KSR2: variants seen among roughly 807,000 people sequenced by gnomAD.
KSR2 encodes kinase suppressor of ras 2.
A neutral mutation model predicts 107.8 loss-of-function variants in KSR2; 25 were observed. That is an observed-to-expected ratio of 0.23 (90% CI 0.17 to 0.32). The LOEUF is 0.32. Ranked by LOEUF, KSR2 falls within the 10% of genes least tolerant of loss-of-function variation. The pLI, the probability that KSR2 is intolerant of heterozygous loss-of-function variation, is 1.00. For synonymous variants in KSR2, 480 were observed against 507.0 expected, an observed-to-expected ratio of 0.95 and a Z score of 0.71; for missense variants, 887 against 1,268.9, an observed-to-expected ratio of 0.70 and a Z score of 4.57.
intron 1 of KSR2, among the ~76,000 whole-genome samples, chr12:117,948,433 T>C (rs543149430): frequency 2.6e-4 from 39 of 150,062 alleles, no homozygotes; most frequent in Non-Finnish European, 4.9e-4. Context: ...GAGGTTGCAG[T>C]GAGCCCAGAT....
intron 11 of KSR2, 35 bp from the exon 12 acceptor site, chr12:117,531,048 T>C: frequency 6.3e-7 from 1 of 1,575,654 alleles, no homozygotes; most frequent in Non-Finnish European, 8.7e-7. Flanking sequence ...AGAAAAAAAA[T>C]GTGAAGTCCA....
At chr12:117,695,333 A>C (rs746952557) in intron 4 of KSR2, among the ~76,000 whole-genome samples, 3 of 152,146 alleles carry the variant, frequency 2.0e-5, no homozygotes, top group Non-Finnish European at 4.4e-5. Flanking sequence ...ATGTGAACGT[A>C]CTTAATATCA....
At chr12:117,617,487 C>A (rs961922612) in intron 5 of KSR2, among the ~76,000 whole-genome samples, 2 of 152,098 alleles carry the variant, frequency 1.3e-5, no homozygotes, top group African/African-American at 4.8e-5. Context: ...AATTAAAGTT[C>A]ATGTCTTATA....
chr12:117,706,543 T>C (rs912776130), intron 4 of KSR2, among the ~76,000 whole-genome samples: 1 of 152,008 alleles, frequency 6.6e-6, no homozygotes, highest in Admixed American at 6.6e-5. Context: ...AGTAGCTCAG[T>C]CACAAATGTA....
intron 5 of KSR2, among the ~76,000 whole-genome samples, chr12:117,661,131 G>T (rs60124198): frequency 0.039 from 6,004 of 152,278 alleles, 328 homozygotes; most frequent in African/African-American, 0.13. Context: ...TGAATTGAGA[G>T]ATGTTCTATA....
rs115611120 is a variant in KSR2 at position 117,938,947 on chromosome 12, A to T, written c.180+29129T>A. 7.4e-3 allele frequency among the ~76,000 whole-genome samples: 1,130 copies of T among 152,150 alleles called. 18 individuals are homozygous for T. Among genetic ancestry groups the T allele is most frequent in the African/African-American group, 0.025 (1,033 of 41,488 alleles). On this transcript the variant is annotated intron_variant, in intron 1 of 19. Coordinates refer to ENST00000339824, the MANE Select transcript of KSR2 (RefSeq NM_173598.6). ...TATGCATTTTAAATGAACAAAAATCACTGGGAATCAGTCAAGCAGACACAG... is the reference window on the plus strand; with the variant it reads ...TATGCATTTTAAATGAACAAAAATCTCTGGGAATCAGTCAAGCAGACACAG...
chr12:117,937,971 GAAAA>G (rs771959105), intron 1 of KSR2, among the ~76,000 whole-genome samples: 1 of 53,962 alleles, frequency 1.9e-5, no homozygotes, highest in Non-Finnish European at 3.5e-5. Flanking sequence ...TCTGTCTCAA[GAAAA>G]AAAAAAAAAA....
chr12:117,487,040 G>A (rs1872504577), intron 14 of KSR2, among the ~76,000 whole-genome samples: 1 of 152,034 alleles, frequency 6.6e-6, no homozygotes, highest in South Asian at 2.1e-4. Flanking sequence ...TCTGCAAAAT[G>A]GGGCCAACAG....
chr12:117,538,712 C>T (rs961985188), intron 10 of KSR2, among the ~76,000 whole-genome samples: 11 of 152,058 alleles, frequency 7.2e-5, no homozygotes, highest in Non-Finnish European at 1.0e-4. Context: ...CTAGTGTAAC[C>T]GATAAGCTAA....
intron 1 of KSR2, among the ~76,000 whole-genome samples, chr12:117,923,671 G>A (rs952663461): frequency 4.6e-5 from 7 of 151,678 alleles, no homozygotes; most frequent in East Asian, 1.9e-4. Context: ...ATATATATGT[G>A]TGTGTGTGTG....
intron 3 of KSR2, among the ~76,000 whole-genome samples, chr12:117,846,051 C>T (rs1465417423): frequency 2.6e-5 from 4 of 151,490 alleles, no homozygotes; most frequent in Non-Finnish European, 4.4e-5. Flanking sequence ...AACAGCCTGC[C>T]CTTCCTAACA....
chr12:117,540,300 G>A (rs1042730991), intron 9 of KSR2, among the ~76,000 whole-genome samples: 1 of 152,138 alleles, frequency 6.6e-6, no homozygotes, highest in Admixed American at 6.5e-5. Context: ...GAATGTGAGA[G>A]TGAGCCTTCA....
intron 5 of KSR2, among the ~76,000 whole-genome samples, chr12:117,640,401 C>A (rs1329040353): frequency 1.3e-5 from 2 of 151,890 alleles, no homozygotes; most frequent in African/African-American, 4.8e-5. Context: ...CAGGCATGTG[C>A]CACCACGCCC....
At chr12:117,720,767 G>C (rs1385686059) in intron 4 of KSR2, among the ~76,000 whole-genome samples, 3 of 152,184 alleles carry the variant, frequency 2.0e-5, no homozygotes, top group Non-Finnish European at 4.4e-5. Flanking sequence ...GAAGGTGATA[G>C]AGTAAGAAAA....
At chr12:117,519,179 G>A (rs1404612855) in intron 14 of KSR2, among the ~76,000 whole-genome samples, 1 of 152,190 alleles carries the variant, frequency 6.6e-6, no homozygotes, top group Admixed American at 6.5e-5. Flanking sequence ...GCCCCTGCAG[G>A]TGCTGATATT....
At chr12:117,944,718 G>A (rs1896120943) in intron 1 of KSR2, among the ~76,000 whole-genome samples, 1 of 151,680 alleles carries the variant, frequency 6.6e-6, no homozygotes, top group African/African-American at 2.4e-5. Flanking sequence ...ATTAGCCGAG[G>A]GTGGTAGCAC....
chr12:117,853,792 T>C (rs1893004221), intron 3 of KSR2, among the ~76,000 whole-genome samples: 1 of 152,236 alleles, frequency 6.6e-6, no homozygotes, highest in Non-Finnish European at 1.5e-5. Context: ...TCAACACCAT[T>C]GTGCTAGAGG....
intron 1 of KSR2, among the ~76,000 whole-genome samples, chr12:117,962,322 T>G (rs1896683436): frequency 6.6e-6 from 1 of 152,126 alleles, no homozygotes; most frequent in Non-Finnish European, 1.5e-5. Flanking sequence ...CTTGCTCACC[T>G]TAGGATGGTC....
chr12:117,839,064 T>A (rs978179557), intron 3 of KSR2, among the ~76,000 whole-genome samples: 1 of 152,182 alleles, frequency 6.6e-6, no homozygotes, highest in Non-Finnish European at 1.5e-5. Context: ...GGTCAACCCC[T>A]GTTTTAGAGA....
Sources: gnomAD v4.1 joint callset for allele counts (sites outside exome capture counted in the v4.1 genomes callset) on GRCh38, gnomAD v4.1.1 for gene constraint, MANE v1.5 for transcripts, NCBI Gene and HGNC (gene_info 2026-07-23, HGNC 2026-07-21) for gene names.